The following SEPTIN11 variants were observed in gnomAD, a reference collection of about 807,000 sequenced individuals.
The protein encoded by SEPTIN11 is septin-11.
SEPTIN11 carries 25 observed loss-of-function variants against 51.4 expected under a neutral mutation model. The ratio of observed to expected loss-of-function variants is 0.49; its 90% CI spans 0.35 to 0.68. The LOEUF is 0.68. Among genes scored for constraint, SEPTIN11 ranks in the 30% least tolerant of loss-of-function variants. The pLI is 0.00. For missense variants in SEPTIN11, 381 were observed against 520.8 expected (o/e 0.73, Z 2.61); for synonymous variants, 174 against 184.1 (o/e 0.95, Z 0.44).
Position 77,030,924 on chromosome 4 carries a change from C to T in SEPTIN11, c.1228C>T (p.Gln410Ter), listed in dbSNP as rs1170897864. 1.2e-6 allele frequency: 2 copies of T among 1,609,442 alleles called. No individual in the cohort carries two copies. Among genetic ancestry groups the T allele is most frequent in the Non-Finnish European group, 1.7e-6 (2 of 1,179,074 alleles). Residue 410 changes from glutamine (Q) to a stop codon, truncating the protein, a stop_gained, in exon 9 of 10, where the codon CAG becomes TAG. Transcript: ENST00000264893. LOFTEE classifies it high-confidence loss of function. ...AAAQLLQSQA[Q>*]QSGAQQTKKD... ...GGCTCAGTTACTACAGTCCCAGGCC[C>T]AGCAATCTGGGGCCCAGCAAACCAA...
chr4:76,994,135 GTC>G lies in SEPTIN11; in HGVS notation c.28-2286_28-2285del, dbSNP rs138340746. ...TGGGATGATAGTTCTGCCCTGCGTT[GTC>G]TCTTTCATACCGTTCACGAACGGTT... On this transcript the variant is annotated intron_variant, in intron 1 of 9. Coordinates refer to ENST00000264893, the MANE Select transcript of SEPTIN11 (RefSeq NM_018243.4). 3.8e-3 allele frequency among the ~76,000 whole-genome samples: 580 copies of G among 152,290 alleles called. 4 individuals are homozygous for G. The highest frequency in any genetic ancestry group is 0.013 in the African/African-American group (542 of 41,558).
rs1367972546 is a variant in SEPTIN11, at chr4:77,024,675, CCA to C, written c.954-3953_954-3952del. ...CTCAGAGGCCAACGAGGTCCAGGCC[CCA>C]GAGACTCACTTGTTTTTAGGAGTGC... is the stretch of plus-strand genomic sequence containing the variant. On this transcript the variant is annotated intron_variant, in intron 7 of 9. Transcript: ENST00000264893. This position sits in a 1 kb window ranked among gnomAD's most constrained non-coding sequence, Gnocchi z 4.2. Among the ~76,000 whole-genome samples the C allele has an allele frequency of 2.6e-5, 4 of 152,152 alleles. No individual in the cohort carries two copies. Among genetic ancestry groups the C allele is most frequent in the African/African-American group, 4.8e-5 (2 of 41,428 alleles).
rs752486817 is a variant in SEPTIN11 at position 77,011,743 on chromosome 4, C to A, written c.347C>A (p.Pro116Gln). Residue 116 changes from proline (P) to glutamine (Q), a missense_variant, in exon 4 of 10, where the codon CCG becomes CAG. Coordinates refer to ENST00000264893, the MANE Select transcript of SEPTIN11 (RefSeq NM_018243.4). ...DQINKDDSYK[P>Q]IVEYIDAQFE... The stretch of plus-strand genomic sequence containing the variant: ...CTGTTTCTGCATTCTAGCTATAAGC[C>A]GATAGTAGAATATATTGATGCCCAG... 2 of 1,613,656 alleles carry A rather than the reference C, an allele frequency of 1.2e-6. No homozygotes were observed. Among genetic ancestry groups the A allele is most frequent in the East Asian group, 4.5e-5 (2 of 44,854 alleles).
chr4:76,990,057 C>T (rs530648545), intron 1 of SEPTIN11, among the ~76,000 whole-genome samples: 34 of 152,082 alleles, frequency 2.2e-4, no homozygotes, highest in Admixed American at 8.5e-4. Flanking sequence ...GGGACCTGAG[C>T]GGGTTGCCGC....
chr4:77,006,141 A>T (rs1724464281), intron 3 of SEPTIN11, among the ~76,000 whole-genome samples: 1 of 152,102 alleles, frequency 6.6e-6, no homozygotes, highest in African/African-American at 2.4e-5. Flanking sequence ...CACCCTACAG[A>T]ACAGTTTTAG....
chr4:77,013,418 GT>G (rs142357159), intron 4 of SEPTIN11, among the ~76,000 whole-genome samples: 2,304 of 152,300 alleles, frequency 0.015, 56 homozygotes, highest in African/African-American at 0.052. Context: ...GGAAAAAGAG[GT>G]TTTAAAACTA....
chr4:77,036,166 G>A lies in SEPTIN11; in HGVS notation c.*1654G>A. On this transcript the variant is annotated 3_prime_UTR_variant, in exon 10 of 10. Transcript: ENST00000264893. ...TTAATTAAGCAAAGTAAGGAAATTA[G>A]TTTCATGGAAGCCTAAACAAAGCTG... 2.0e-6 allele frequency: 2 copies of A among 987,130 alleles called. No individual in the cohort carries two copies. Among genetic ancestry groups the A allele is most frequent in the Non-Finnish European group, 2.4e-6 (2 of 831,074 alleles). 61.1% of individuals were successfully genotyped at this position (987,130 alleles called of 1,614,324 possible).
intron 9 of SEPTIN11, chr4:77,031,260 G>A: frequency 3.3e-6 from 1 of 301,398 alleles, no homozygotes; most frequent in Non-Finnish European, 6.0e-6. Context: ...AAAGAAGACA[G>A]GTTGATGTCT....
Position 77,036,964 on chromosome 4 carries a change from T to G in SEPTIN11, c.*2452T>G. Reference sequence around the variant, plus strand: ...GGAAGGTAATGGTTTGAGTAGCCTTTGTTTAAAAAAAAGACTAAATATATT... The same window carrying G: ...GGAAGGTAATGGTTTGAGTAGCCTTGGTTTAAAAAAAAGACTAAATATATT... On this transcript the variant is annotated 3_prime_UTR_variant, in exon 10 of 10. Coordinates refer to ENST00000264893, the MANE Select transcript of SEPTIN11 (RefSeq NM_018243.4). The G allele has an allele frequency of 7.8e-7, 1 of 1,276,230 alleles. No individual in the cohort carries two copies. Among genetic ancestry groups the G allele is most frequent in the South Asian group, 3.0e-5 (1 of 33,626 alleles). The allele number at this position is 1,276,230 out of a possible 1,614,324, so 79.1% of individuals were successfully genotyped here.
chr4:77,021,465 G>GT, intron 7 of SEPTIN11: 1 of 152,784 alleles, frequency 6.5e-6, no homozygotes, highest in South Asian at 2.1e-4. Context: ...TGCCCAAGCA[G>GT]TTTTCTTTCT....
chr4:76,951,931 G>A (rs1578109975), intron 1 of SEPTIN11, among the ~76,000 whole-genome samples: 2 of 152,160 alleles, frequency 1.3e-5, no homozygotes, highest in East Asian at 3.8e-4. Context: ...CAGAGGAAGT[G>A]ACTTCTTTCT....
intron 3 of SEPTIN11, among the ~76,000 whole-genome samples, chr4:77,007,127 C>T (rs1724531873): frequency 6.6e-6 from 1 of 152,154 alleles, no homozygotes; most frequent in Non-Finnish European, 1.5e-5. Context: ...TGGAGAGGCC[C>T]CTGCCTGAAG....
At chr4:77,019,022 T>G (rs1393963273) in intron 5 of SEPTIN11, 143 bp from the exon 6 acceptor site, 2 of 657,970 alleles carry the variant, frequency 3.0e-6, no homozygotes, top group Non-Finnish European at 5.3e-6. Context: ...GTGGGATACG[T>G]GACATCCACC....
rs779226729 is a variant in SEPTIN11 at position 77,037,107 on chromosome 4, AT to A, written c.*2596del. 2.9e-6 allele frequency: 3 copies of A among 1,040,220 alleles called. No individual in the cohort carries two copies. The highest frequency in any genetic ancestry group is 3.5e-6 in the Non-Finnish European group (3 of 863,416). 64.4% of individuals were successfully genotyped at this position (1,040,220 alleles called of 1,614,324 possible). ...CCAGGTGTGGTGGCTCATGCCTGTA[AT>A]CCCAGCACTTTGAGAGGCCGAGGTG... is the stretch of plus-strand genomic sequence containing the variant. On this transcript the variant is annotated 3_prime_UTR_variant, in exon 10 of 10. Coordinates refer to ENST00000264893, the MANE Select transcript of SEPTIN11 (RefSeq NM_018243.4).
intron 1 of SEPTIN11, among the ~76,000 whole-genome samples, chr4:76,979,411 G>A (rs1316716803): frequency 2.0e-5 from 3 of 152,194 alleles, no homozygotes; most frequent in Non-Finnish European, 4.4e-5. Flanking sequence ...AGGTCGGTAT[G>A]CTTTGAAAAG....
chr4:76,958,594 T>C (rs192774191), intron 1 of SEPTIN11, among the ~76,000 whole-genome samples: 362 of 152,268 alleles, frequency 2.4e-3, no homozygotes, highest in African/African-American at 8.3e-3. Flanking sequence ...CTTATACAAA[T>C]AAGGGAGTAT....
At chr4:76,965,545 CTATA>C (rs1722003965) in intron 1 of SEPTIN11, among the ~76,000 whole-genome samples, 2 of 150,450 alleles carry the variant, frequency 1.3e-5, no homozygotes. Flanking sequence ...GTATTATTGC[CTATA>C]TAATACATAT....
At chr4:76,988,544 T>C (rs1723167214) in intron 1 of SEPTIN11, among the ~76,000 whole-genome samples, 1 of 152,250 alleles carries the variant, frequency 6.6e-6, no homozygotes. Context: ...TATATCACTC[T>C]GTCACCCAGG....
intron 1 of SEPTIN11, among the ~76,000 whole-genome samples, chr4:76,964,588 G>A (rs567823815): frequency 2.0e-5 from 3 of 152,284 alleles, no homozygotes; most frequent in Non-Finnish European, 4.4e-5. Flanking sequence ...TATATGGATG[G>A]TAAAAGTTAT....
Sources: gnomAD v4.1 joint callset for allele counts (sites outside exome capture counted in the v4.1 genomes callset) on GRCh38, gnomAD v4.1.1 for gene constraint, Gnocchi (gnomAD v3.1) non-coding constraint, MANE v1.5 for transcripts, NCBI Gene and HGNC (gene_info 2026-07-23, HGNC 2026-07-21) for gene names.